ACSM3: variants seen among roughly 807,000 people sequenced by gnomAD.
ACSM3 encodes acyl-coenzyme A synthetase ACSM3, mitochondrial.
Under a neutral mutation model 74.1 loss-of-function variants are expected in ACSM3, and 61 were observed. That is an observed-to-expected ratio of 0.82 (90% confidence interval 0.67 to 1.02). The LOEUF (loss-of-function observed/expected upper bound fraction) is 1.02. Among genes scored for constraint, ACSM3 ranks in the 50% least tolerant of loss-of-function variants. The probability of loss-of-function intolerance (pLI) is 0.00; values close to 1 mark genes in which losing one functional copy is unlikely to be tolerated. For synonymous variants in ACSM3, 213 were observed against 241.5 expected (o/e 0.88, Z 1.09); for missense variants, 660 against 697.0 (o/e 0.95, Z 0.60).
chr16:20,700,455 A>AT (rs1284138927), intron 1 of ACSM3, among the ~76,000 whole-genome samples: 1 of 152,042 alleles, frequency 6.6e-6, no homozygotes. Context: ...AAGAGGTGAC[A>AT]TTTTGAGACC....
chr16:20,755,018 C>T (rs2080017943), intron 2 of ACSM3, among the ~76,000 whole-genome samples: 1 of 152,052 alleles, frequency 6.6e-6, no homozygotes, highest in African/African-American at 2.4e-5. Flanking sequence ...AGGGAACAGG[C>T]CAGTGTCCAT....
At chr16:20,780,911 T>G in intron 5 of ACSM3, 54 bp downstream of exon 5, 1 of 1,613,138 alleles carries the variant, frequency 6.2e-7, no homozygotes, top group Non-Finnish European at 8.5e-7. Flanking sequence ...AGATGATGAC[T>G]TATGTACTGG....
intron 1 of ACSM3, among the ~76,000 whole-genome samples, chr16:20,712,344 A>G (rs1338083159): frequency 1.3e-5 from 2 of 152,174 alleles, no homozygotes; most frequent in Admixed American, 1.3e-4. Flanking sequence ...AAGTTCTAAG[A>G]AAGCAGAGAC....
At chr16:20,766,404 A>G (rs949087976) in intron 1 of ACSM3, among the ~76,000 whole-genome samples, 50 of 152,038 alleles carry the variant, frequency 3.3e-4, no homozygotes, top group African/African-American at 1.2e-3. Flanking sequence ...CTGTAATCCT[A>G]GTGCTTTGGG....
intron 2 of ACSM3, among the ~76,000 whole-genome samples, chr16:20,775,386 G>T (rs2080243308): frequency 6.6e-6 from 1 of 152,086 alleles, no homozygotes; most frequent in African/African-American, 2.4e-5. Flanking sequence ...GGGCTGAGGG[G>T]CTCTCCTGTA....
intron 1 of ACSM3, among the ~76,000 whole-genome samples, chr16:20,743,469 T>C (rs1414432718): frequency 6.6e-6 from 1 of 152,214 alleles, no homozygotes; most frequent in African/African-American, 2.4e-5. Flanking sequence ...GATGCCACTT[T>C]TGAAGAATGT....
rs551356907 is a variant in ACSM3 at position 20,686,121 on chromosome 16, G to A, written c.-190+11299G>A. Among the ~76,000 whole-genome samples, 157 of 152,166 alleles carry A rather than the reference G, an allele frequency of 1.0e-3. 1 individual carries two copies. Among genetic ancestry groups the A allele is most frequent in the African/African-American group, 3.5e-3 (145 of 41,508 alleles). Reference sequence around the variant, plus strand: ...TTATTTACATAAAGCATGTAAGAGTGCCTGTCACATAGTAAATGCTCAATA... The same window carrying A: ...TTATTTACATAAAGCATGTAAGAGTACCTGTCACATAGTAAATGCTCAATA... On this transcript the variant is annotated intron_variant, in intron 1 of 3. Coordinates refer to the ACSM3 transcript ENST00000561584.
At chr16:20,695,792 T>C (rs1429216343) in intron 1 of ACSM3, among the ~76,000 whole-genome samples, 1 of 152,202 alleles carries the variant, frequency 6.6e-6, no homozygotes, top group Non-Finnish European at 1.5e-5. Flanking sequence ...TATCTCTGTA[T>C]GTATGTTAAG....
chr16:20,692,672 A>T (rs1296984682), intron 1 of ACSM3, among the ~76,000 whole-genome samples: 1 of 152,230 alleles, frequency 6.6e-6, no homozygotes, highest in Non-Finnish European at 1.5e-5. Flanking sequence ...TTTTTCCTAC[A>T]AGAGACTTTG....
intron 1 of ACSM3, among the ~76,000 whole-genome samples, chr16:20,766,922 A>G (rs2080132206): frequency 6.6e-6 from 1 of 152,112 alleles, no homozygotes; most frequent in South Asian, 2.1e-4. Context: ...TATACTCATA[A>G]TTTGCTTGAA....
At chr16:20,794,957 T>C (rs1046065254) in intron 12 of ACSM3, among the ~76,000 whole-genome samples, 10 of 152,228 alleles carry the variant, frequency 6.6e-5, no homozygotes, top group African/African-American at 2.4e-4. Context: ...CGTCAATATG[T>C]GAACCAGTAT....
chr16:20,682,378 C>G (rs2079464860), intron 1 of ACSM3: 1 of 1,613,926 alleles, frequency 6.2e-7, no homozygotes, highest in African/African-American at 1.3e-5. Flanking sequence ...CATCTATGGT[C>G]ACAATGCCCT....
intron 1 of ACSM3, among the ~76,000 whole-genome samples, chr16:20,724,017 T>C (rs1441555778): frequency 6.6e-6 from 1 of 152,244 alleles, no homozygotes; most frequent in East Asian, 1.9e-4. Context: ...GTTTTAGGTC[T>C]AACATGTAAG....
chr16:20,787,714 CAA>C (rs1430576031), intron 9 of ACSM3, among the ~76,000 whole-genome samples: 2 of 152,212 alleles, frequency 1.3e-5, no homozygotes, highest in Non-Finnish European at 2.9e-5. Context: ...AACCTGGTCT[CAA>C]GATAGGATAG....
At chr16:20,791,764 C>G (rs1401035099) in intron 10 of ACSM3, among the ~76,000 whole-genome samples, 1 of 151,900 alleles carries the variant, frequency 6.6e-6, no homozygotes, top group African/African-American at 2.4e-5. Flanking sequence ...CCATCTCAAC[C>G]AAAAAATACA....
intron 1 of ACSM3, chr16:20,731,601 G>A: frequency 3.3e-6 from 1 of 303,868 alleles, no homozygotes; most frequent in Middle Eastern, 7.8e-4. Context: ...AACAGAGCAA[G>A]ATAAATTATC....
chr16:20,727,349 AT>A, intron 1 of ACSM3: 1 of 590,284 alleles, frequency 1.7e-6, no homozygotes, highest in Non-Finnish European at 3.2e-6. Context: ...CCAGATATAA[AT>A]TCAAGAGGCT....
At chr16:20,755,957 A>G (rs1300327644) in intron 3 of ACSM3, among the ~76,000 whole-genome samples, 1 of 152,148 alleles carries the variant, frequency 6.6e-6, no homozygotes, top group Non-Finnish European at 1.5e-5. Context: ...TACAAAGGAC[A>G]TGAACTCATC....
At chr16:20,747,032 G>A (rs1316333569) in intron 1 of ACSM3, among the ~76,000 whole-genome samples, 1 of 151,850 alleles carries the variant, frequency 6.6e-6, no homozygotes, top group Admixed American at 6.6e-5. Context: ...AGATTTGGTT[G>A]AATAATCTAT....
Sources: allele counts gnomAD v4.1 joint callset (sites outside exome capture counted in the v4.1 genomes callset), GRCh38; gene constraint gnomAD v4.1.1; transcripts MANE v1.5; gene names NCBI Gene and HGNC (gene_info 2026-07-23, HGNC 2026-07-21).